Variants in ROR1 observed in about 807,000 individuals in gnomAD.
ROR1 encodes the protein inactive tyrosine-protein kinase transmembrane receptor ROR1.
A neutral mutation model predicts 78.8 loss-of-function variants in ROR1; 19 were observed. The observed-to-expected ratio is 0.24, with a 90% CI of 0.17 to 0.35. ROR1 has a LOEUF of 0.35. Ranked by LOEUF, ROR1 falls within the 10% of genes least tolerant of loss-of-function variation. ROR1 has a pLI of 1.00. For missense variants in ROR1, 917 were observed against 1,177.8 expected, an observed-to-expected ratio of 0.78 and a Z score of 3.24; for synonymous variants, 386 against 433.6, an observed-to-expected ratio of 0.89 and a Z score of 1.36.
Position 64,137,547 on chromosome 1 carries a change from C to T in ROR1, c.610+51C>T, listed in dbSNP as rs372936872. ...TTGTCCCTTGAATAACTATTTTTCT[C>T]GCCAAAAGTTTTATTGAGCTCCTCT... On this transcript the variant is annotated intron_variant, in intron 5 of 8. Transcript: ENST00000371079. 4.1e-5 allele frequency: 64 copies of T among 1,576,024 alleles called. No individual in the cohort carries two copies. In the Middle Eastern group the frequency reaches 6.8e-4, roughly 17 times the overall value.
intron 2 of ROR1, among the ~76,000 whole-genome samples, chr1:64,041,054 T>C (rs1189143682): frequency 6.6e-6 from 1 of 152,190 alleles, no homozygotes; most frequent in Non-Finnish European, 1.5e-5. Context: ...CAGTATGTTA[T>C]AAAATGCAGA....
At chr1:63,809,473 G>C (rs1644847859) in intron 1 of ROR1, among the ~76,000 whole-genome samples, 1 of 152,082 alleles carries the variant, frequency 6.6e-6, no homozygotes, top group South Asian at 2.1e-4. Flanking sequence ...TTCCAAATTG[G>C]GTTTAAATTA....
intron 1 of ROR1, among the ~76,000 whole-genome samples, chr1:63,999,040 C>G (rs897458905): frequency 6.6e-6 from 1 of 152,174 alleles, no homozygotes; most frequent in South Asian, 2.1e-4. Context: ...TCTCCAGCCA[C>G]GTGGAATTGT....
intron 1 of ROR1, among the ~76,000 whole-genome samples, chr1:63,791,515 C>T (rs1204261221): frequency 6.6e-6 from 1 of 152,122 alleles, no homozygotes; most frequent in Non-Finnish European, 1.5e-5. Context: ...AAACTCACTT[C>T]CCAGGCCCCT....
chr1:63,786,121 C>T lies in ROR1; in HGVS notation c.91+11613C>T, dbSNP rs141422900. On this transcript the variant is annotated intron_variant, in intron 1 of 8. Coordinates refer to ENST00000371079, the MANE Select transcript of ROR1 (RefSeq NM_005012.4). The stretch of plus-strand genomic sequence containing the variant: ...TAAGTTGCTGCCTAGGACTGTGCTC[C>T]GGGCCTCTGCAAGGAGGAGTTAGTA... 5.0e-3 allele frequency among the ~76,000 whole-genome samples: 768 copies of T among 152,114 alleles called. 5 individuals carry two copies. Among genetic ancestry groups the T allele is most frequent in the Admixed American group, 0.012 (178 of 15,274 alleles).
chr1:64,076,533 C>A (rs1647051598), intron 4 of ROR1, among the ~76,000 whole-genome samples: 1 of 152,104 alleles, frequency 6.6e-6, no homozygotes, highest in Non-Finnish European at 1.5e-5. Flanking sequence ...CCACCAAGAA[C>A]AAAATTGGCA....
rs901693522 is a variant in ROR1 at position 63,774,871 on chromosome 1, G to A, written c.91+363G>A. Among the ~76,000 whole-genome samples the A allele has an allele frequency of 6.6e-6, 1 of 152,098 alleles. No homozygotes were observed. The highest frequency in any genetic ancestry group is 2.4e-5 in the African/African-American group (1 of 41,440). Reference sequence around the variant, plus strand: ...CTCCCTGGACCTCTAGCGCGCCCCAGCCGGTGTTCAGGCAAGTCTATCCTG... The same window carrying A: ...CTCCCTGGACCTCTAGCGCGCCCCAACCGGTGTTCAGGCAAGTCTATCCTG... On this transcript the variant is annotated intron_variant, in intron 1 of 8. Coordinates refer to ENST00000371079, the MANE Select transcript of ROR1 (RefSeq NM_005012.4). The surrounding 1 kb of genome is among the most constrained non-coding windows in gnomAD (Gnocchi z 5.7).
At chr1:64,066,240 A>G (rs1172608693) in intron 4 of ROR1, among the ~76,000 whole-genome samples, 1 of 152,070 alleles carries the variant, frequency 6.6e-6, no homozygotes, top group African/African-American at 2.4e-5. Context: ...GAGTGCTGTG[A>G]TACTTATCTG....
chr1:63,842,122 A>G (rs901570949), intron 1 of ROR1, among the ~76,000 whole-genome samples: 1 of 152,216 alleles, frequency 6.6e-6, no homozygotes. Flanking sequence ...AAAAACCAGA[A>G]GTAATATTTG....
intron 1 of ROR1, among the ~76,000 whole-genome samples, chr1:63,878,410 C>T (rs1557540741): frequency 6.6e-6 from 1 of 152,182 alleles, no homozygotes; most frequent in East Asian, 1.9e-4. Context: ...GTTTCAAGAC[C>T]TGCAACTTGC....
intron 1 of ROR1, among the ~76,000 whole-genome samples, chr1:63,895,231 G>A (rs1645430254): frequency 6.6e-6 from 1 of 151,964 alleles, no homozygotes; most frequent in Non-Finnish European, 1.5e-5. Flanking sequence ...TTGCATTCTT[G>A]TAATATATTC....
At chr1:63,823,974 C>T (rs1369982860) in intron 1 of ROR1, among the ~76,000 whole-genome samples, 1 of 152,116 alleles carries the variant, frequency 6.6e-6, no homozygotes, top group Non-Finnish European at 1.5e-5. Flanking sequence ...TCTTGAACTC[C>T]TGACCTCAGG....
At chr1:63,981,343 G>T (rs905414540) in intron 1 of ROR1, among the ~76,000 whole-genome samples, 1 of 152,120 alleles carries the variant, frequency 6.6e-6, no homozygotes, top group Non-Finnish European at 1.5e-5. Context: ...CCCAAATGCA[G>T]TAGCCAAGTC....
At chr1:63,783,460 G>T (rs192620838) in intron 1 of ROR1, among the ~76,000 whole-genome samples, 102 of 152,154 alleles carry the variant, frequency 6.7e-4, no homozygotes, top group African/African-American at 2.4e-3. Flanking sequence ...GCATACTGTG[G>T]GCCAAGTACT....
At chr1:64,104,498 T>C (rs1046998993) in intron 4 of ROR1, among the ~76,000 whole-genome samples, 3 of 151,542 alleles carry the variant, frequency 2.0e-5, no homozygotes, top group Admixed American at 6.6e-5. Flanking sequence ...TTTTTTTTTA[T>C]TTTACTTTAA....
chr1:64,069,747 G>A (rs1228042333), intron 4 of ROR1, among the ~76,000 whole-genome samples: 1 of 152,224 alleles, frequency 6.6e-6, no homozygotes, highest in African/African-American at 2.4e-5. Flanking sequence ...GAGCCAGGGA[G>A]GCCACAACTC....
intron 4 of ROR1, among the ~76,000 whole-genome samples, chr1:64,125,538 C>T (rs918468954): frequency 6.6e-6 from 1 of 152,114 alleles, no homozygotes; most frequent in African/African-American, 2.4e-5. Flanking sequence ...AGATACGATT[C>T]CGTACTACGA....
intron 1 of ROR1, among the ~76,000 whole-genome samples, chr1:63,941,508 G>A (rs1056011260): frequency 3.3e-5 from 5 of 152,154 alleles, no homozygotes; most frequent in African/African-American, 9.7e-5. Context: ...AATGGAGCCC[G>A]GCTGTCTGCC....
At chr1:64,138,823 G>A (rs1321419654) in intron 5 of ROR1, among the ~76,000 whole-genome samples, 2 of 152,084 alleles carry the variant, frequency 1.3e-5, no homozygotes, top group African/African-American at 2.4e-5. Context: ...TCAACCTAAT[G>A]TAAGAATGCC....
Sources: allele counts gnomAD v4.1 joint callset (sites outside exome capture counted in the v4.1 genomes callset), GRCh38; gene constraint gnomAD v4.1.1; non-coding constraint Gnocchi (gnomAD v3.1); transcripts MANE v1.5; gene names NCBI Gene and HGNC (gene_info 2026-07-23, HGNC 2026-07-21).